Variants in CHODL observed in about 807,000 individuals in gnomAD.
The protein encoded by CHODL is transmembrane protein MT75.
A neutral mutation model predicts 34.5 loss-of-function variants in CHODL; 29 were observed. The observed-to-expected ratio is 0.84, with a 90% confidence interval of 0.63 to 1.15. The LOEUF (loss-of-function observed/expected upper bound fraction) is 1.15, where lower values mean the gene tolerates loss of function less well. Among genes scored for constraint, CHODL ranks in the 50% most tolerant of loss-of-function variants. CHODL has a pLI of 0.00. For missense variants in CHODL, 332 were observed against 332.5 expected, an observed-to-expected ratio of 1.00 and a Z score of 0.01; for synonymous variants, 125 against 116.1, an observed-to-expected ratio of 1.08 and a Z score of -0.49.
chr21:18,118,125 A>AT (rs1044963739), intron 2 of CHODL, among the ~76,000 whole-genome samples: 1 of 152,148 alleles, frequency 6.6e-6, no homozygotes, highest in South Asian at 2.1e-4. Flanking sequence ...ACATTTTAAT[A>AT]TTTTTCAGAT....
intron 5 of CHODL, among the ~76,000 whole-genome samples, chr21:18,264,765 A>C (rs1256618182): frequency 6.6e-6 from 1 of 152,092 alleles, no homozygotes; most frequent in Non-Finnish European, 1.5e-5. Flanking sequence ...AAATGTGACA[A>C]GGGTGAAGTT....
At chr21:18,128,128 G>C (rs2072598929) in intron 2 of CHODL, among the ~76,000 whole-genome samples, 1 of 150,564 alleles carries the variant, frequency 6.6e-6, no homozygotes, top group Non-Finnish European at 1.5e-5. Context: ...GTGAAACCCC[G>C]TCTCTACTAA....
At chr21:18,003,045 C>T (rs971597886) in intron 1 of CHODL, among the ~76,000 whole-genome samples, 2 of 151,610 alleles carry the variant, frequency 1.3e-5, no homozygotes, top group Non-Finnish European at 2.9e-5. Flanking sequence ...ATGGCGTGAA[C>T]CCCGGGGGGC....
intron 2 of CHODL, among the ~76,000 whole-genome samples, chr21:18,214,797 T>G (rs1214905860): frequency 6.6e-6 from 1 of 152,074 alleles, no homozygotes; most frequent in Admixed American, 6.6e-5. Context: ...CAGAATCACT[T>G]AGGCGATAGT....
intron 1 of CHODL, among the ~76,000 whole-genome samples, chr21:18,004,171 G>A (rs1486970253): frequency 6.6e-6 from 1 of 152,106 alleles, no homozygotes; most frequent in Non-Finnish European, 1.5e-5. Flanking sequence ...AGTCAAATGG[G>A]TAAAAATTTT....
chr21:18,136,385 T>C (rs1456352633), intron 2 of CHODL, among the ~76,000 whole-genome samples: 1 of 152,076 alleles, frequency 6.6e-6, no homozygotes, highest in East Asian at 1.9e-4. Context: ...AAAGTTGACT[T>C]AGACAGAAAT....
intron 1 of CHODL, among the ~76,000 whole-genome samples, chr21:18,015,431 T>C (rs2064063324): frequency 6.6e-6 from 1 of 152,176 alleles, no homozygotes; most frequent in East Asian, 1.9e-4. Context: ...GTGAGTCAAT[T>C]AGACCTCTTG....
intron 1 of CHODL, among the ~76,000 whole-genome samples, chr21:17,934,708 A>G (rs1463727503): frequency 6.6e-6 from 1 of 152,184 alleles, no homozygotes; most frequent in Non-Finnish European, 1.5e-5. Context: ...CAAAATGTCT[A>G]TAATATTTAA....
intron 1 of CHODL, among the ~76,000 whole-genome samples, chr21:17,919,651 AC>A (rs2063168806): frequency 6.6e-6 from 1 of 151,586 alleles, no homozygotes; most frequent in Non-Finnish European, 1.5e-5. Context: ...CATTTTTCCC[AC>A]TGTCTCGGGG....
intron 2 of CHODL, among the ~76,000 whole-genome samples, chr21:18,148,736 CA>C (rs1430589759): frequency 6.6e-6 from 1 of 152,060 alleles, no homozygotes; most frequent in African/African-American, 2.4e-5. Context: ...CTTGAAACTC[CA>C]TACAAGTAGG....
intron 1 of CHODL, among the ~76,000 whole-genome samples, chr21:18,011,082 G>T (rs1446929862): frequency 6.6e-6 from 1 of 151,850 alleles, no homozygotes; most frequent in East Asian, 1.9e-4. Flanking sequence ...TATGTATGCT[G>T]TATGTAATAC....
At chr21:18,184,653 A>G (rs1020283356) in intron 2 of CHODL, among the ~76,000 whole-genome samples, 2 of 152,194 alleles carry the variant, frequency 1.3e-5, no homozygotes, top group Non-Finnish European at 2.9e-5. Context: ...ATTGAACACC[A>G]TGGAGGGAGA....
At chr21:18,222,306 A>G (rs1325353499) in intron 2 of CHODL, among the ~76,000 whole-genome samples, 2 of 152,040 alleles carry the variant, frequency 1.3e-5, no homozygotes, top group Non-Finnish European at 2.9e-5. Context: ...CTCTGCACTA[A>G]TGTGGGGGGA....
intron 1 of CHODL, among the ~76,000 whole-genome samples, chr21:17,960,023 A>G (rs1389108594): frequency 6.6e-6 from 1 of 152,138 alleles, no homozygotes; most frequent in Non-Finnish European, 1.5e-5. Flanking sequence ...GATGATTATG[A>G]GATGAAGAGT....
chr21:18,106,727 C>T (rs1238960932), intron 2 of CHODL, among the ~76,000 whole-genome samples: 1 of 152,100 alleles, frequency 6.6e-6, no homozygotes, highest in Non-Finnish European at 1.5e-5. Context: ...AATCTCCTGA[C>T]CTTGTGATCC....
chr21:18,136,649 G>A (rs1233222171), intron 2 of CHODL, among the ~76,000 whole-genome samples: 2 of 148,958 alleles, frequency 1.3e-5, no homozygotes, highest in African/African-American at 4.9e-5. Flanking sequence ...ACACGTTGGG[G>A]CCAAAAGAAT....
At chr21:18,068,727 A>G (rs1300766327) in intron 2 of CHODL, among the ~76,000 whole-genome samples, 1 of 151,926 alleles carries the variant, frequency 6.6e-6, no homozygotes, top group Non-Finnish European at 1.5e-5. Context: ...TGTATGAAGC[A>G]ACATTTCATT....
chr21:18,186,996 G>T lies in CHODL; in HGVS notation c.-44-69513G>T, dbSNP rs536461371. On this transcript the variant is annotated intron_variant, in intron 2 of 6. Transcript: ENST00000400127. ...CATGCTTTTGAAAAGTTTTCAATCT[G>T]TTGAAAACAATAGATTTATGATCAT... 7.9e-5 allele frequency among the ~76,000 whole-genome samples: 12 copies of T among 152,204 alleles called. No individual in the cohort carries two copies. The South Asian group carries it at 2.5e-3, about 32-fold the overall frequency.
At chr21:18,099,647 A>G (rs1391397158) in intron 2 of CHODL, among the ~76,000 whole-genome samples, 1 of 152,200 alleles carries the variant, frequency 6.6e-6, no homozygotes, top group Admixed American at 6.6e-5. Context: ...GCTGGAAGCC[A>G]AGCAACAATT....
Sources: gnomAD v4.1 joint callset for allele counts (sites outside exome capture counted in the v4.1 genomes callset) on GRCh38, gnomAD v4.1.1 for gene constraint, MANE v1.5 for transcripts, NCBI Gene and HGNC (gene_info 2026-07-23, HGNC 2026-07-21) for gene names.